Variants in CCDC13 observed in about 807,000 individuals in gnomAD.
The protein encoded by CCDC13 is coiled-coil domain-containing protein 13.
A neutral mutation model predicts 87.3 loss-of-function variants in CCDC13; 70 were observed. That is an observed-to-expected ratio of 0.80 (90% confidence interval 0.66 to 0.98). The LOEUF (loss-of-function observed/expected upper bound fraction) is 0.98. CCDC13 is among the 50% of genes least tolerant of loss of function. CCDC13 has a pLI of 0.00. For synonymous variants in CCDC13, 317 were observed against 360.3 expected, an observed-to-expected ratio of 0.88 and a Z score of 1.36; for missense variants, 842 against 892.0, an observed-to-expected ratio of 0.94 and a Z score of 0.71.
chr3:42,770,402 T>A (rs761539295), intron 1 of CCDC13, among the ~76,000 whole-genome samples: 4 of 152,182 alleles, frequency 2.6e-5, no homozygotes, highest in Non-Finnish European at 5.9e-5. Context: ...ACATTCTGTA[T>A]CTAGTTGATC....
intron 1 of CCDC13, among the ~76,000 whole-genome samples, chr3:42,772,267 CAAAAAAA>C (rs869064282): frequency 1.8e-5 from 2 of 113,850 alleles, no homozygotes; most frequent in African/African-American, 6.8e-5. Flanking sequence ...GAGACTCCGT[CAAAAAAA>C]AAAAAAAAAA....
intron 1 of CCDC13, among the ~76,000 whole-genome samples, chr3:42,771,679 C>G (rs777727271): frequency 7.2e-5 from 11 of 152,132 alleles, no homozygotes; most frequent in Non-Finnish European, 1.3e-4. Flanking sequence ...TGCTTGAGCC[C>G]AGGGGTTGGA....
At chr3:42,741,452 C>T (rs1435966644) in intron 8 of CCDC13, among the ~76,000 whole-genome samples, 4 of 152,162 alleles carry the variant, frequency 2.6e-5, no homozygotes, top group Admixed American at 6.6e-5. Flanking sequence ...AAAACCCTGT[C>T]GTGGGCTCGG....
intron 5 of CCDC13, among the ~76,000 whole-genome samples, chr3:42,750,942 C>T (rs1409823966): frequency 6.6e-6 from 1 of 151,618 alleles, no homozygotes; most frequent in African/African-American, 2.4e-5. Context: ...CTGAAGAATA[C>T]TCAGCCCCTG....
chr3:42,756,786 TG>T (rs1699714245), intron 3 of CCDC13, among the ~76,000 whole-genome samples: 1 of 152,196 alleles, frequency 6.6e-6, no homozygotes, highest in Admixed American at 6.5e-5. Flanking sequence ...GAGTCCCAGC[TG>T]GATCACCAAC....
chr3:42,719,382 C>CCTCTTTCTCTCTCTCTCTCTCT (rs1386418167), intron 13 of CCDC13: 1 of 52,382 alleles, frequency 1.9e-5, no homozygotes, highest in African/African-American at 6.4e-5. Context: ...GCAGTGCTTT[C>CCTCTTTCTCTCTCTCTCTCTCT]CTCTCTCTCT....
intron 5 of CCDC13, among the ~76,000 whole-genome samples, chr3:42,751,476 G>A (rs545409661): frequency 6.6e-6 from 1 of 152,338 alleles, no homozygotes; most frequent in African/African-American, 2.4e-5. Flanking sequence ...TTCATAATAT[G>A]AACTGCCCCA....
chr3:42,735,991 C>T, intron 9 of CCDC13, 78 bp from the exon 10 acceptor site: 1 of 1,393,110 alleles, frequency 7.2e-7, no homozygotes, highest in Non-Finnish European at 9.9e-7. Context: ...GACTGCCTCC[C>T]TCACCCCAAA....
chr3:42,758,123 A>T lies in CCDC13; in HGVS notation c.221+2T>A. 6.2e-7 allele frequency: 1 copy of T among 1,611,962 alleles called. No homozygotes were observed. ...CCTGAGAGATTTCAAACTTGCATTT[A>T]CCTCTTCTCAAAGCTATTTTTCGAG... On this transcript the variant is annotated splice_donor_variant, in intron 2 of 15. Transcript: ENST00000310232. LOFTEE classifies it high-confidence loss of function.
chr3:42,714,404 T>A lies in CCDC13; in HGVS notation c.1719-1088A>T, dbSNP rs142693290. 5.1e-4 allele frequency among the ~76,000 whole-genome samples: 78 copies of A among 152,378 alleles called. No individual in the cohort carries two copies. In the East Asian group the frequency reaches 0.013, roughly 25 times the overall value. On this transcript the variant is annotated intron_variant, in intron 13 of 15. Coordinates refer to ENST00000310232, the MANE Select transcript of CCDC13 (RefSeq NM_144719.4). ...GAGCCATGACGCACAGTGTCATATG[T>A]CCTTTCTCATTTAATTGTTCGCTTT...
At chr3:42,746,265 G>T (rs924844806) in intron 6 of CCDC13, 7 of 483,884 alleles carry the variant, frequency 1.4e-5, no homozygotes, top group African/African-American at 1.4e-4. Flanking sequence ...CCAAGAAACT[G>T]CCAGCAATGC....
At chr3:42,718,922 T>A (rs974327595) in intron 13 of CCDC13, 2 of 152,010 alleles carry the variant, frequency 1.3e-5, no homozygotes, top group Admixed American at 6.6e-5. Context: ...GGAGTTAGCA[T>A]CTCTCCTAAG....
At chr3:42,734,935 C>G (rs1357085158) in intron 10 of CCDC13, among the ~76,000 whole-genome samples, 2 of 152,280 alleles carry the variant, frequency 1.3e-5, no homozygotes, top group South Asian at 4.1e-4. Flanking sequence ...TGAGCATCTA[C>G]TGTGTGCTTG....
chr3:42,722,327 C>G (rs1373404017), intron 13 of CCDC13, among the ~76,000 whole-genome samples: 1 of 152,036 alleles, frequency 6.6e-6, no homozygotes, highest in Non-Finnish European at 1.5e-5. Context: ...TAATGGTTCT[C>G]CTATAAAAGG....
In CCDC13 at chr3:42,758,420, T is replaced by C. The variant is rs184324380; in HGVS notation, c.-6-69A>G. The C allele has an allele frequency of 2.5e-4, 362 of 1,468,136 alleles. 1 individual carries two copies. The East Asian group carries it at 8.2e-3, about 33-fold the overall frequency. 90.9% of individuals were successfully genotyped at this position (1,468,136 alleles called of 1,614,324 possible). On this transcript the variant is annotated intron_variant, in intron 1 of 15. Transcript: ENST00000310232. ...CGAGCGCTCAGCACACAGTCCGCCC[T>C]GTCTGCAGCCCCAGCCTTGGAGTTT...
chr3:42,759,121 G>T (rs962183670), intron 1 of CCDC13, among the ~76,000 whole-genome samples: 18 of 152,156 alleles, frequency 1.2e-4, no homozygotes, highest in Non-Finnish European at 1.9e-4. Flanking sequence ...AGGAGTTTGA[G>T]ACCAGCCTGT....
At chr3:42,719,389 C>CTCTCTT (rs1559638666) in intron 13 of CCDC13, 2 of 11,430 alleles carry the variant, frequency 1.7e-4, no homozygotes, top group Non-Finnish European at 3.8e-4. Context: ...TTTCCTCTCT[C>CTCTCTT]TCTCTCTCTC....
At chr3:42,712,692 A>G (rs1318860020) in intron 14 of CCDC13, among the ~76,000 whole-genome samples, 1 of 152,126 alleles carries the variant, frequency 6.6e-6, no homozygotes, top group African/African-American at 2.4e-5. Context: ...TGGAGCCACA[A>G]AACAGAGGGA....
intron 7 of CCDC13, among the ~76,000 whole-genome samples, chr3:42,744,687 C>CT (rs1255077780): frequency 6.6e-6 from 1 of 151,554 alleles, no homozygotes; most frequent in Non-Finnish European, 1.5e-5. Flanking sequence ...CAAATGTAGT[C>CT]TCAGCTACTC....
Sources: allele counts gnomAD v4.1 joint callset (sites outside exome capture counted in the v4.1 genomes callset), GRCh38; gene constraint gnomAD v4.1.1; transcripts MANE v1.5; gene names NCBI Gene and HGNC (gene_info 2026-07-23, HGNC 2026-07-21).